MGMT: variants seen among roughly 807,000 people sequenced by gnomAD.
The protein encoded by MGMT is O-6-methylguanine-DNA methyltransferase, also known as methylated-DNA--protein-cysteine methyltransferase.
MGMT carries 14 observed loss-of-function variants against 15.9 expected under a neutral mutation model. That is an observed-to-expected ratio of 0.88 (90% CI 0.58 to 1.37). MGMT has a LOEUF of 1.37. MGMT is among the 40% of genes most tolerant of loss of function. The pLI is 0.00. For missense variants in MGMT, 282 were observed against 268.1 expected, an observed-to-expected ratio of 1.05 and a Z score of -0.36; for synonymous variants, 130 against 118.2, an observed-to-expected ratio of 1.10 and a Z score of -0.65.
At chr10:129,604,482 A>C (rs947784001) in intron 2 of MGMT, among the ~76,000 whole-genome samples, 3 of 152,242 alleles carry the variant, frequency 2.0e-5, no homozygotes, top group Admixed American at 1.3e-4. Flanking sequence ...GTGCTTTCTC[A>C]GATGTGTGAC....
chr10:129,588,879 T>C (rs1302664282), intron 2 of MGMT, among the ~76,000 whole-genome samples: 1 of 152,246 alleles, frequency 6.6e-6, no homozygotes, highest in Non-Finnish European at 1.5e-5. Flanking sequence ...CAGAGCTTAA[T>C]GAACAGAGAG....
At chr10:129,617,879 G>A (rs1163438953) in intron 2 of MGMT, among the ~76,000 whole-genome samples, 1 of 150,826 alleles carries the variant, frequency 6.6e-6, no homozygotes, top group Non-Finnish European at 1.5e-5. Flanking sequence ...TCTTATGCAA[G>A]CACCCAGCCT....
chr10:129,648,753 C>T (rs1467565102), intron 2 of MGMT, among the ~76,000 whole-genome samples: 4 of 152,138 alleles, frequency 2.6e-5, no homozygotes, highest in Admixed American at 1.3e-4. Flanking sequence ...TTTATCTTTG[C>T]ATATTCCTTT....
At chr10:129,633,666 A>G (rs1847235677) in intron 2 of MGMT, among the ~76,000 whole-genome samples, 2 of 152,342 alleles carry the variant, frequency 1.3e-5, no homozygotes, top group African/African-American at 4.8e-5. Context: ...CCCCCAGATA[A>G]GTAGTGCTGA....
At chr10:129,676,805 A>T (rs937537667) in intron 2 of MGMT, among the ~76,000 whole-genome samples, 31 of 152,212 alleles carry the variant, frequency 2.0e-4, no homozygotes. Context: ...AAGTAAAATG[A>T]CCTCATATAC....
intron 2 of MGMT, among the ~76,000 whole-genome samples, chr10:129,609,355 G>T (rs1846932026): frequency 6.6e-6 from 1 of 151,406 alleles, no homozygotes; most frequent in South Asian, 2.1e-4. Flanking sequence ...GATGATGGAG[G>T]TGGAATCTCT....
At chr10:129,605,503 C>T (rs868499512) in intron 2 of MGMT, among the ~76,000 whole-genome samples, 20 of 151,950 alleles carry the variant, frequency 1.3e-4, no homozygotes, top group African/African-American at 4.8e-4. Context: ...GCTGTGTAAA[C>T]AGAATAAACA....
intron 1 of MGMT, among the ~76,000 whole-genome samples, chr10:129,526,481 T>C (rs1409814542): frequency 6.6e-6 from 1 of 152,150 alleles, no homozygotes; most frequent in East Asian, 1.9e-4. Flanking sequence ...CTACCTTGTT[T>C]GTAAACAGCT....
rs1034467100 is a variant in MGMT at position 129,637,425 on chromosome 10, C to T, written c.126-70470C>T. On this transcript the variant is annotated intron_variant, in intron 2 of 4. Transcript: ENST00000651593. ...CTTCAGGATATATGTAGGTGCTCAA[C>T]ACAGGCTGGTTTCTGTTTTTAATTT... is the stretch of plus-strand genomic sequence containing the variant. Among the ~76,000 whole-genome samples the T allele has an allele frequency of 2.6e-5, 4 of 152,180 alleles. No homozygotes were observed. In the South Asian group the frequency reaches 8.3e-4, roughly 32 times the overall value.
rs1054718427 is a variant in MGMT at position 129,769,388 on chromosome 10, A to C, written c.*2391A>C. The stretch of plus-strand genomic sequence containing the variant: ...GAAAATACAGAGGGAGAGGGAAGGC[A>C]CAAAGAAATACAAAACTATTTTCCA... On this transcript the variant is annotated 3_prime_UTR_variant, in exon 5 of 5. Transcript: ENST00000651593. 6.6e-6 allele frequency: 1 copy of C among 152,186 alleles called. No individual in the cohort carries two copies. Among genetic ancestry groups the C allele is most frequent in the African/African-American group, 2.4e-5 (1 of 41,428 alleles). 9.4% of individuals were successfully genotyped at this position (152,186 alleles called of 1,614,324 possible). A position where few individuals can be genotyped will look rare whatever the true frequency, so the allele number is the denominator to read the frequency against.
intron 2 of MGMT, chr10:129,564,276 T>TCCCCTTCCTCCTCCTCTG (rs1846318647): frequency 1.9e-5 from 1 of 51,518 alleles, no homozygotes; most frequent in Non-Finnish European, 3.8e-5. Flanking sequence ...CTCCTCCTCT[T>TCCCCTTCCTCCTCCTCTG]CCCCCTCTCC....
intron 2 of MGMT, among the ~76,000 whole-genome samples, chr10:129,561,534 C>T (rs866224364): frequency 3.3e-5 from 5 of 152,138 alleles, no homozygotes; most frequent in Middle Eastern, 3.2e-3. Flanking sequence ...TTACACCTTC[C>T]CATTCTAACG....
At chr10:129,716,197 G>C (rs111372913) in intron 3 of MGMT, among the ~76,000 whole-genome samples, 5 of 152,106 alleles carry the variant, frequency 3.3e-5, no homozygotes, top group African/African-American at 1.2e-4. Flanking sequence ...CGTTTAGTTC[G>C]GATCAGGCCT....
rs777018801 is a variant in MGMT, at chr10:129,770,698, G to A, written c.*3701G>A. On this transcript the variant is annotated 3_prime_UTR_variant, in exon 5 of 5. Coordinates refer to ENST00000651593, the MANE Select transcript of MGMT (RefSeq NM_002412.5). ...TGAGAGATAAATTGGCTTCATGTAT[G>A]AGCAAGGGGGAAAGTGTTTTATTTT... 3.3e-5 allele frequency among the ~76,000 whole-genome samples: 5 copies of A among 152,248 alleles called. No individual in the cohort carries two copies. The highest frequency in any genetic ancestry group is 7.3e-5 in the Non-Finnish European group (5 of 68,046).
chr10:129,629,394 A>G (rs1357351888), intron 2 of MGMT, among the ~76,000 whole-genome samples: 1 of 152,216 alleles, frequency 6.6e-6, no homozygotes, highest in Non-Finnish European at 1.5e-5. Flanking sequence ...TGAGTGTATC[A>G]TAGAATATTT....
intron 2 of MGMT, among the ~76,000 whole-genome samples, chr10:129,680,356 A>G (rs951581944): frequency 2.6e-5 from 4 of 152,218 alleles, no homozygotes; most frequent in African/African-American, 4.8e-5. Context: ...TTGTGTTGTA[A>G]TAAAGCCCCC....
intron 3 of MGMT, among the ~76,000 whole-genome samples, chr10:129,728,716 C>T (rs1382300567): frequency 6.6e-6 from 1 of 151,990 alleles, no homozygotes; most frequent in African/African-American, 2.4e-5. Flanking sequence ...CCTCCCTGAC[C>T]ATGGTCCCTG....
chr10:129,513,057 A>G (rs531497807), intron 1 of MGMT, among the ~76,000 whole-genome samples: 7 of 152,232 alleles, frequency 4.6e-5, no homozygotes, highest in Non-Finnish European at 7.3e-5. Flanking sequence ...GCAATGGAAC[A>G]TTATTCAGCC....
At chr10:129,715,604 GGTAATGTTC>G (rs1197826327) in intron 3 of MGMT, 1 of 152,162 alleles carries the variant, frequency 6.6e-6, no homozygotes, top group Non-Finnish European at 1.5e-5. Flanking sequence ...ATGTTTTACA[GGTAATGTTC>G]GTGCATTTGA....
Sources: allele counts gnomAD v4.1 joint callset (sites outside exome capture counted in the v4.1 genomes callset), GRCh38; gene constraint gnomAD v4.1.1; transcripts MANE v1.5; gene names NCBI Gene and HGNC (gene_info 2026-07-23, HGNC 2026-07-21).